Variants in FRMPD4 observed in about 807,000 individuals in gnomAD.
FRMPD4 encodes the protein FERM and PDZ domain-containing protein 4.
In FRMPD4, 22 loss-of-function variants were observed where a neutral mutation model predicts 94.1. The ratio of observed to expected loss-of-function variants is 0.23; its 90% CI spans 0.17 to 0.33. FRMPD4 has a LOEUF of 0.33. FRMPD4 is among the 10% of genes least tolerant of loss of function. The pLI is 1.00. For synonymous variants in FRMPD4, 631 were observed against 548.6 expected, an observed-to-expected ratio of 1.15 and a Z score of -2.10; for missense variants, 1,111 against 1,339.9, an observed-to-expected ratio of 0.83 and a Z score of 2.67.
intron 1 of FRMPD4, among the ~76,000 whole-genome samples, chrX:12,354,753 A>G (rs998665959): frequency 6.2e-5 from 7 of 112,189 alleles, no homozygotes; most frequent in African/African-American, 1.9e-4. Context: ...ATAATCATTA[A>G]TATAAATCAT....
chrX:12,678,563 C>T (rs190962084), intron 5 of FRMPD4, among the ~76,000 whole-genome samples: 26 of 112,397 alleles, frequency 2.3e-4, no homozygotes, highest in South Asian at 7.4e-4. Flanking sequence ...TGGTGGCTCA[C>T]GCCTGTAATC....
chrX:12,115,166 G>A (rs1383496762), intron 3 of FRMPD4, among the ~76,000 whole-genome samples: 1 of 111,929 alleles, frequency 8.9e-6, no homozygotes, highest in Admixed American at 9.5e-5. Context: ...AGATTTTGAT[G>A]GAAGGAAGCA....
At chrX:12,567,302 TTAAGA>T (rs1338772973) in intron 2 of FRMPD4, among the ~76,000 whole-genome samples, 2 of 112,192 alleles carry the variant, frequency 1.8e-5, no homozygotes, top group Non-Finnish European at 1.9e-5. Flanking sequence ...CCACTTGGAT[TTAAGA>T]TAAGAGTTTT....
intron 1 of FRMPD4, among the ~76,000 whole-genome samples, chrX:12,493,815 A>C (rs1033741731): frequency 2.7e-5 from 3 of 112,451 alleles, no homozygotes; most frequent in African/African-American, 9.7e-5. Flanking sequence ...TACTCTTATT[A>C]GTATGACCAT....
intron 2 of FRMPD4, among the ~76,000 whole-genome samples, chrX:12,560,823 G>A (rs1386525353): frequency 1.2e-5 from 1 of 80,653 alleles, no homozygotes; most frequent in Non-Finnish European, 2.3e-5. Context: ...AGGCTGGAGT[G>A]CAGTGGCGGG....
chrX:12,350,923 C>T (rs1273894752), intron 1 of FRMPD4, among the ~76,000 whole-genome samples: 1 of 112,411 alleles, frequency 8.9e-6, no homozygotes, highest in African/African-American at 3.2e-5. Flanking sequence ...CGCCTGTAAT[C>T]CCAACACTTT....
At chrX:12,685,240 G>A (rs2060009537) in intron 6 of FRMPD4, among the ~76,000 whole-genome samples, 1 of 111,726 alleles carries the variant, frequency 9.0e-6, no homozygotes, top group South Asian at 3.8e-4. Context: ...CAAGGGATGT[G>A]TGCACTCATG....
chrX:12,199,271 ATG>A (rs768931246), intron 1 of FRMPD4, among the ~76,000 whole-genome samples: 3 of 54,594 alleles, frequency 5.5e-5, no homozygotes, highest in African/African-American at 8.0e-5. Flanking sequence ...GTGTGTGTGT[ATG>A]TGTGTGTGTG....
chrX:11,953,688 C>A (rs1342773308), intron 3 of FRMPD4, among the ~76,000 whole-genome samples: 1 of 111,250 alleles, frequency 9.0e-6, no homozygotes, highest in African/African-American at 3.3e-5. Flanking sequence ...TAGAAAGAAC[C>A]AGACATGGGG....
chrX:12,368,324 C>T (rs1326591704), intron 1 of FRMPD4, among the ~76,000 whole-genome samples: 1 of 112,038 alleles, frequency 8.9e-6, no homozygotes, highest in African/African-American at 3.2e-5. Context: ...CAACAGCTGA[C>T]GTTACCAGGA....
At chrX:12,715,580 G>A (rs776307903) in intron 14 of FRMPD4, among the ~76,000 whole-genome samples, 7 of 112,068 alleles carry the variant, frequency 6.2e-5, no homozygotes, top group African/African-American at 2.3e-4. Flanking sequence ...ATCCTTGACC[G>A]TCTCTGAATT....
At chrX:12,322,102 G>T (rs1341811966) in intron 1 of FRMPD4, among the ~76,000 whole-genome samples, 1 of 111,717 alleles carries the variant, frequency 9.0e-6, no homozygotes, top group Non-Finnish European at 1.9e-5. Flanking sequence ...TCCAGAGAGA[G>T]ATCTCATTAT....
intron 1 of FRMPD4, among the ~76,000 whole-genome samples, chrX:12,222,104 G>A (rs2056874992): frequency 8.9e-6 from 1 of 111,796 alleles, no homozygotes; most frequent in African/African-American, 3.3e-5. Flanking sequence ...AGGCCAAAGA[G>A]GGACGATTGC....
intron 1 of FRMPD4, among the ~76,000 whole-genome samples, chrX:12,168,134 A>G (rs972009199): frequency 3.6e-5 from 4 of 111,356 alleles, no homozygotes; most frequent in Admixed American, 9.5e-5. Flanking sequence ...AGCACTGCCA[A>G]TATTGAAAAA....
At chrX:12,565,453 A>AT (rs958855709) in intron 2 of FRMPD4, among the ~76,000 whole-genome samples, 2 of 112,458 alleles carry the variant, frequency 1.8e-5, no homozygotes, top group African/African-American at 6.5e-5. Flanking sequence ...GACATAATAT[A>AT]ACAAGAAGGG....
intron 1 of FRMPD4, among the ~76,000 whole-genome samples, chrX:12,185,340 T>C (rs1167339710): frequency 9.0e-6 from 1 of 111,672 alleles, no homozygotes; most frequent in African/African-American, 3.3e-5. Flanking sequence ...AACAAATGAC[T>C]CACTTGGGGA....
intron 1 of FRMPD4, among the ~76,000 whole-genome samples, chrX:11,825,649 A>G (rs866026613): frequency 1.8e-5 from 2 of 111,522 alleles, no homozygotes; most frequent in South Asian, 7.5e-4. Context: ...ATAGAACTAT[A>G]TATACCGCAC....
intron 5 of FRMPD4, among the ~76,000 whole-genome samples, chrX:12,679,690 T>G (rs1334982633): frequency 8.9e-6 from 1 of 111,739 alleles, no homozygotes; most frequent in Non-Finnish European, 1.9e-5. Context: ...CATCAATGAT[T>G]GACAGAAACT....
chrX:12,462,328 A>G (rs762166356), intron 1 of FRMPD4, among the ~76,000 whole-genome samples: 2 of 112,388 alleles, frequency 1.8e-5, no homozygotes, highest in Non-Finnish European at 3.8e-5. Flanking sequence ...ACAAAACAAT[A>G]TAACTCCACT....
Sources: allele counts gnomAD v4.1 joint callset (sites outside exome capture counted in the v4.1 genomes callset), GRCh38; gene constraint gnomAD v4.1.1; transcripts MANE v1.5; gene names NCBI Gene and HGNC (gene_info 2026-07-23, HGNC 2026-07-21).